The following CAMTA1 variants were observed in gnomAD, a reference collection of about 807,000 sequenced individuals.
CAMTA1 encodes calmodulin-binding transcription activator 1.
In CAMTA1, 27 loss-of-function variants were observed where a neutral mutation model predicts 170.9. The ratio of observed to expected loss-of-function variants is 0.16; its 90% confidence interval spans 0.12 to 0.22. The LOEUF (loss-of-function observed/expected upper bound fraction) is 0.22, where lower values mean the gene tolerates loss of function less well. CAMTA1 is among the 10% of genes least tolerant of loss of function. The pLI is 1.00. For synonymous variants in CAMTA1, 833 were observed against 891.5 expected (o/e 0.93, Z 1.17); for missense variants, 1,619 against 2,217.2 (o/e 0.73, Z 5.42).
In CAMTA1 at chr1:7,173,619, C is replaced by T. The variant is rs1650133224; in HGVS notation, c.303-75872C>T. Among the ~76,000 whole-genome samples the T allele has an allele frequency of 6.6e-6, 1 of 152,074 alleles. No homozygotes were observed. Among genetic ancestry groups the T allele is most frequent in the Non-Finnish European group, 1.5e-5 (1 of 68,024 alleles). On this transcript the variant is annotated intron_variant, in intron 4 of 22. Coordinates refer to ENST00000303635, the MANE Select transcript of CAMTA1 (RefSeq NM_015215.4). The surrounding 1 kb of genome is among the most constrained non-coding windows in gnomAD (Gnocchi z 5.4). ...CCAGGCTGGTCTCTTAATTCCTGAC[C>T]TCAGGTGATCCACCCACCTCAGCCT...
At chr1:7,490,046 C>T (rs1002539623) in intron 6 of CAMTA1, among the ~76,000 whole-genome samples, 1 of 152,192 alleles carries the variant, frequency 6.6e-6, no homozygotes. Flanking sequence ...GAAGGTGAAG[C>T]CCTCCGCGGC....
chr1:6,930,317 T>C (rs1557844881), intron 3 of CAMTA1, among the ~76,000 whole-genome samples: 2 of 152,206 alleles, frequency 1.3e-5, no homozygotes, highest in South Asian at 2.1e-4. Flanking sequence ...CACCGTCATA[T>C]GCTGAAGGAT....
In CAMTA1 at chr1:7,560,625, G is replaced by A. The variant is rs148826795; in HGVS notation, c.511-79775G>A. Among the ~76,000 whole-genome samples the A allele has an allele frequency of 6.4e-3, 973 of 151,570 alleles. 11 individuals carry two copies. Among genetic ancestry groups the A allele is most frequent in the African/African-American group, 0.022 (925 of 41,248 alleles). On this transcript the variant is annotated intron_variant, in intron 6 of 22. Transcript: ENST00000303635. ...ACAGGCAGGGCTGGCTGTACCACACGGGCCAGGGGAGTATGCTGTGATGGA... is the reference window on the plus strand; with the variant it reads ...ACAGGCAGGGCTGGCTGTACCACACAGGCCAGGGGAGTATGCTGTGATGGA...
At chr1:7,536,795 G>A (rs889736947) in intron 6 of CAMTA1, among the ~76,000 whole-genome samples, 20 of 152,244 alleles carry the variant, frequency 1.3e-4, no homozygotes, top group African/African-American at 4.1e-4. Flanking sequence ...GTGCTGCCCC[G>A]CTGCCTGCAG....
At chr1:7,759,820 A>T (rs75261070) in intron 22 of CAMTA1, among the ~76,000 whole-genome samples, 3,006 of 152,262 alleles carry the variant, frequency 0.02, 92 homozygotes, top group African/African-American at 0.067. Flanking sequence ...TGCTTGACCT[A>T]AAAAAATAAA....
intron 5 of CAMTA1, among the ~76,000 whole-genome samples, chr1:7,433,164 AG>A (rs1433498624): frequency 6.6e-6 from 1 of 152,242 alleles, no homozygotes; most frequent in African/African-American, 2.4e-5. Flanking sequence ...GGAATTGCCC[AG>A]GAAATAGGCC....
intron 1 of CAMTA1, among the ~76,000 whole-genome samples, chr1:6,817,361 A>C (rs1645948434): frequency 6.6e-6 from 1 of 152,182 alleles, no homozygotes; most frequent in Non-Finnish European, 1.5e-5. Flanking sequence ...TTAATTCAGA[A>C]ACTAAATTAA....
Position 7,050,225 on chromosome 1 carries a change from C to T in CAMTA1, c.235-41079C>T, listed in dbSNP as rs1481073339. ...GCTGTTCCCGGCCTGCACCCTGGTC[C>T]TCCATGGTGGTGAAGGGCTGGGGGT... On this transcript the variant is annotated intron_variant, in intron 3 of 22. Transcript: ENST00000303635. The surrounding 1 kb of genome is among the most constrained non-coding windows in gnomAD (Gnocchi z 4.8). Among the ~76,000 whole-genome samples, 1 of 152,166 alleles carries T rather than the reference C, an allele frequency of 6.6e-6. No homozygotes were observed. The highest frequency in any genetic ancestry group is 1.5e-5 in the Non-Finnish European group (1 of 68,022).
intron 3 of CAMTA1, among the ~76,000 whole-genome samples, chr1:6,994,065 T>A (rs1489032434): frequency 6.6e-6 from 1 of 152,204 alleles, no homozygotes; most frequent in East Asian, 1.9e-4. Context: ...AATATTTGTA[T>A]CACTTTATGT....
Position 7,154,647 on chromosome 1 carries a change from G to A in CAMTA1, c.302+63276G>A, listed in dbSNP as rs545694079. On this transcript the variant is annotated intron_variant, in intron 4 of 22. Transcript: ENST00000303635. ...GAGTACGCTTGCCTGAAGGGAAGGG[G>A]TGCTGATGGTGGGGTTCCAGGCATG... 3.3e-5 allele frequency among the ~76,000 whole-genome samples: 5 copies of A among 152,346 alleles called. No individual in the cohort carries two copies. In the East Asian group the frequency reaches 7.7e-4, roughly 24 times the overall value.
chr1:6,994,353 GA>G (rs1696858178), intron 3 of CAMTA1, among the ~76,000 whole-genome samples: 1 of 152,142 alleles, frequency 6.6e-6, no homozygotes, highest in African/African-American at 2.4e-5. Flanking sequence ...TCATAGGGAA[GA>G]TTTGCTGGTG....
At chr1:7,483,219 G>C (rs1381707585) in intron 6 of CAMTA1, among the ~76,000 whole-genome samples, 2 of 152,192 alleles carry the variant, frequency 1.3e-5, no homozygotes, top group East Asian at 3.9e-4. Flanking sequence ...ATGGAGATTT[G>C]TCATTGCAGT....
At chr1:7,148,167 GCACACATGCA>G (rs2148665254) in intron 4 of CAMTA1, among the ~76,000 whole-genome samples, 1 of 145,164 alleles carries the variant, frequency 6.9e-6, no homozygotes, top group African/African-American at 2.6e-5. Context: ...TGTACACCAT[GCACACATGCA>G]CACACATGCT....
intron 3 of CAMTA1, among the ~76,000 whole-genome samples, chr1:6,933,542 G>A (rs1392137327): frequency 6.6e-6 from 1 of 152,148 alleles, no homozygotes; most frequent in Admixed American, 6.5e-5. Flanking sequence ...TTACAGGTGT[G>A]AGCCACTGTG....
chr1:7,282,517 C>A (rs776162512), intron 5 of CAMTA1, among the ~76,000 whole-genome samples: 2 of 152,174 alleles, frequency 1.3e-5, no homozygotes, highest in Non-Finnish European at 2.9e-5. Context: ...TTCTGGGTAG[C>A]ATTTGATGAC....
intron 6 of CAMTA1, among the ~76,000 whole-genome samples, chr1:7,475,443 C>T (rs2149588336): frequency 6.6e-6 from 1 of 152,316 alleles, no homozygotes; most frequent in South Asian, 2.1e-4. Context: ...AAGTCGCTCC[C>T]TGAGGGGTCC....
At chr1:7,725,736 C>T (rs949855768) in intron 11 of CAMTA1, among the ~76,000 whole-genome samples, 2 of 152,248 alleles carry the variant, frequency 1.3e-5, no homozygotes, top group Non-Finnish European at 2.9e-5. Context: ...AATGCAGCCT[C>T]TGGGTCTCAC....
At chr1:7,684,660 A>G (rs536552954) in intron 11 of CAMTA1, among the ~76,000 whole-genome samples, 2 of 152,166 alleles carry the variant, frequency 1.3e-5, no homozygotes, top group East Asian at 1.9e-4. Flanking sequence ...ATTAAGGCCA[A>G]CCCCATCCGG....
intron 6 of CAMTA1, among the ~76,000 whole-genome samples, chr1:7,587,256 C>T (rs1008217128): frequency 3.3e-5 from 5 of 152,078 alleles, no homozygotes; most frequent in African/African-American, 7.3e-5. Context: ...CCCCTGCAGG[C>T]GGCCCTGCTG....
Sources: gnomAD v4.1 joint callset for allele counts (sites outside exome capture counted in the v4.1 genomes callset) on GRCh38, gnomAD v4.1.1 for gene constraint, Gnocchi (gnomAD v3.1) non-coding constraint, MANE v1.5 for transcripts, NCBI Gene and HGNC (gene_info 2026-07-23, HGNC 2026-07-21) for gene names.